Variants in DPP6 observed in about 807,000 individuals in gnomAD.
DPP6 encodes the protein A-type potassium channel modulatory protein DPP6.
A neutral mutation model predicts 122.6 loss-of-function variants in DPP6; 69 were observed. That is an observed-to-expected ratio of 0.56 (90% CI 0.46 to 0.69). DPP6 has a LOEUF of 0.69. DPP6 is among the 30% of genes least tolerant of loss of function. The probability of loss-of-function intolerance (pLI) is 0.00; values close to 1 mark genes in which losing one functional copy is unlikely to be tolerated. For missense variants in DPP6, 928 were observed against 1,116.9 expected (o/e 0.83, Z 2.41); for synonymous variants, 418 against 433.1 (o/e 0.97, Z 0.43).
At chr7:154,273,211 G>C (rs1423620741) in intron 1 of DPP6, among the ~76,000 whole-genome samples, 1 of 152,154 alleles carries the variant, frequency 6.6e-6, no homozygotes, top group Admixed American at 6.5e-5. Flanking sequence ...CTGCCTCTTT[G>C]TCTCAGCATC....
At chr7:154,663,795 G>A (rs1275732781) in intron 6 of DPP6, among the ~76,000 whole-genome samples, 41 of 122,086 alleles carry the variant, frequency 3.4e-4, no homozygotes, top group Non-Finnish European at 5.6e-4. Flanking sequence ...CGGCCATAGT[G>A]TTCATATAGT....
At chr7:154,249,145 A>G (rs528407105) in intron 1 of DPP6, among the ~76,000 whole-genome samples, 1 of 152,368 alleles carries the variant, frequency 6.6e-6, no homozygotes, top group African/African-American at 2.4e-5. Flanking sequence ...TTACCATTTC[A>G]GATTATGACA....
intron 1 of DPP6, among the ~76,000 whole-genome samples, chr7:154,077,830 C>A (rs1213883444): frequency 6.6e-6 from 1 of 151,658 alleles, no homozygotes; most frequent in Non-Finnish European, 1.5e-5. Context: ...ATCACCATGC[C>A]CAGCTAATTT....
At chr7:154,470,954 G>A (rs953158748) in intron 2 of DPP6, among the ~76,000 whole-genome samples, 3 of 152,072 alleles carry the variant, frequency 2.0e-5, no homozygotes, top group South Asian at 2.1e-4. Context: ...AATAAATAAC[G>A]AAAAACACAG....
chr7:154,652,051 G>A (rs1836910149), intron 6 of DPP6, among the ~76,000 whole-genome samples: 1 of 152,198 alleles, frequency 6.6e-6, no homozygotes, highest in South Asian at 2.1e-4. Context: ...GTGCGTGGAA[G>A]AGGAGATGGC....
intron 1 of DPP6, among the ~76,000 whole-genome samples, chr7:154,405,528 G>A (rs950786455): frequency 6.6e-6 from 1 of 152,188 alleles, no homozygotes; most frequent in African/African-American, 2.4e-5. Flanking sequence ...GACTGAGAAA[G>A]GAGTCTATTA....
Position 154,392,660 on chromosome 7 carries a change from C to T in DPP6, c.244-53554C>T, listed in dbSNP as rs561263189. Among the ~76,000 whole-genome samples the T allele has an allele frequency of 2.4e-3, 358 of 152,288 alleles. 2 individuals carry two copies. Among genetic ancestry groups the T allele is most frequent in the Non-Finnish European group, 1.7e-3 (118 of 68,026 alleles). On this transcript the variant is annotated intron_variant, in intron 1 of 25. Transcript: ENST00000377770. ...CAAAGCAGCATTTCTTGTTAGTCCT[C>T]AGTTAATTAGAAAATTAAATTAACT...
chr7:154,438,170 T>A (rs1819027180), intron 1 of DPP6, among the ~76,000 whole-genome samples: 2 of 151,546 alleles, frequency 1.3e-5, no homozygotes, highest in Non-Finnish European at 2.9e-5. Context: ...AAATGGAAAA[T>A]GAAATATCTC....
At chr7:154,632,449 C>G (rs879362097) in intron 5 of DPP6, among the ~76,000 whole-genome samples, 8 of 151,992 alleles carry the variant, frequency 5.3e-5, no homozygotes, top group Admixed American at 2.0e-4. Context: ...AGCAAGGGGT[C>G]AAAGAATGGA....
the DPP6 span, among the ~76,000 whole-genome samples, chr7:153,864,047 G>A: frequency 1.3e-5 from 2 of 152,118 alleles, no homozygotes; most frequent in Non-Finnish European, 2.9e-5. Context: ...ACATTTGTGG[G>A]TGTGCAAGTG....
intron 10 of DPP6, among the ~76,000 whole-genome samples, chr7:154,778,286 C>T (rs57827093): frequency 0.47 from 71,062 of 151,760 alleles, 16,970 homozygotes; most frequent in East Asian, 0.55. Context: ...TGTATTTGAC[C>T]AACCCACGGT....
intron 1 of DPP6, among the ~76,000 whole-genome samples, chr7:153,940,085 T>C (rs1422285895): frequency 6.6e-6 from 1 of 152,186 alleles, no homozygotes; most frequent in Non-Finnish European, 1.5e-5. Context: ...ACTGTGGCCC[T>C]CTAGCTTCCT....
chr7:154,614,374 G>T (rs1162075175), intron 5 of DPP6, among the ~76,000 whole-genome samples: 2 of 152,196 alleles, frequency 1.3e-5, no homozygotes, highest in Non-Finnish European at 2.9e-5. Flanking sequence ...GGAAGGAAAG[G>T]TGTGTTCCAT....
chr7:154,499,790 G>A (rs1313587482), intron 3 of DPP6, among the ~76,000 whole-genome samples: 1 of 151,986 alleles, frequency 6.6e-6, no homozygotes, highest in Non-Finnish European at 1.5e-5. Context: ...TCCATCTACA[G>A]ATATTTCAGT....
chr7:154,366,725 G>A (rs903925023), intron 1 of DPP6, among the ~76,000 whole-genome samples: 2 of 152,108 alleles, frequency 1.3e-5, no homozygotes, highest in African/African-American at 4.8e-5. Context: ...AATTGGGTGA[G>A]GTAGAACCCA....
chr7:154,642,889 G>A (rs998166685), intron 6 of DPP6, among the ~76,000 whole-genome samples: 5 of 152,146 alleles, frequency 3.3e-5, no homozygotes, highest in East Asian at 3.9e-4. Context: ...GTGGGAGAGC[G>A]AGACTCCATC....
chr7:154,024,836 G>A (rs1228035496), intron 1 of DPP6, among the ~76,000 whole-genome samples: 2 of 152,196 alleles, frequency 1.3e-5, no homozygotes, highest in Non-Finnish European at 2.9e-5. Flanking sequence ...CACAGTCTGT[G>A]TAAGATGCAC....
chr7:154,346,490 A>G (rs769555110), intron 1 of DPP6, among the ~76,000 whole-genome samples: 2 of 152,064 alleles, frequency 1.3e-5, no homozygotes, highest in Non-Finnish European at 2.9e-5. Context: ...TATTTTTATT[A>G]GAGACGAGGT....
chr7:153,958,964 G>A (rs1795208795), intron 1 of DPP6, among the ~76,000 whole-genome samples: 1 of 152,040 alleles, frequency 6.6e-6, no homozygotes, highest in Non-Finnish European at 1.5e-5. Context: ...ATCTTTACCT[G>A]CTTGGCAGAG....
Sources: allele counts gnomAD v4.1 joint callset (sites outside exome capture counted in the v4.1 genomes callset), GRCh38; gene constraint gnomAD v4.1.1; transcripts MANE v1.5; gene names NCBI Gene and HGNC (gene_info 2026-07-23, HGNC 2026-07-21).